Variants in FBLN2 observed in about 807,000 individuals in gnomAD.
FBLN2 encodes fibulin 2, also known as fibulin-2.
FBLN2 carries 81 observed loss-of-function variants against 123.7 expected under a neutral mutation model. The observed-to-expected ratio is 0.65, with a 90% CI of 0.55 to 0.79. The LOEUF is 0.79. Among genes scored for constraint, FBLN2 ranks in the 30% least tolerant of loss-of-function variants. FBLN2 has a pLI of 0.00. For missense variants in FBLN2, 1,603 were observed against 1,681.3 expected (o/e 0.95, Z 0.81); for synonymous variants, 699 against 701.4 (o/e 1.00, Z 0.05).
At chr3:13,592,541 A>G (rs1408010103) in intron 2 of FBLN2, among the ~76,000 whole-genome samples, 1 of 152,106 alleles carries the variant, frequency 6.6e-6, no homozygotes, top group Non-Finnish European at 1.5e-5. Context: ...TAGCATCTCA[A>G]TTGGTATTGT....
intron 2 of FBLN2, among the ~76,000 whole-genome samples, chr3:13,601,296 T>C (rs901616182): frequency 1.3e-5 from 2 of 152,214 alleles, no homozygotes; most frequent in African/African-American, 4.8e-5. Context: ...TAGAAGAATG[T>C]TGTGAGTCTG....
chr3:13,597,390 C>G (rs994665894), intron 2 of FBLN2, among the ~76,000 whole-genome samples: 2 of 152,218 alleles, frequency 1.3e-5, no homozygotes, highest in African/African-American at 4.8e-5. Context: ...ACACCCCACT[C>G]CAGTTACCAC....
Position 13,637,742 on chromosome 3 carries a change from G to A in FBLN2, c.3519G>A (p.Glu1173=). The A allele has an allele frequency of 6.2e-7, 1 of 1,613,998 alleles. No homozygotes were observed. Among genetic ancestry groups the A allele is most frequent in the Non-Finnish European group, 8.5e-7 (1 of 1,179,848 alleles). The change falls in exon 18 of 18, where the codon GAG becomes GAA. Residue 1173 remains glutamate (E), a synonymous_variant. Transcript: ENST00000404922. ...CCCTGAACATCATCAAGGGCAATGA[G>A]GAGGGCTACTTTGGCACGCGCAGGC... ...TIALNIIKGN[E]EGYFGTRRLN...
At chr3:13,559,699 T>C (rs1282220943) in intron 1 of FBLN2, among the ~76,000 whole-genome samples, 1 of 152,226 alleles carries the variant, frequency 6.6e-6, no homozygotes, top group African/African-American at 2.4e-5. Flanking sequence ...CTTGGTTCAT[T>C]ATGTGCTTTT....
chr3:13,569,114 C>T (rs1703838494), intron 1 of FBLN2: 10 of 955,538 alleles, frequency 1.0e-5, no homozygotes, highest in African/African-American at 1.8e-5. Flanking sequence ...GGGCTACAGG[C>T]ACTGGGGACT....
At chr3:13,560,655 C>T (rs937833828) in intron 1 of FBLN2, among the ~76,000 whole-genome samples, 1 of 152,208 alleles carries the variant, frequency 6.6e-6, no homozygotes, top group Non-Finnish European at 1.5e-5. Context: ...CTGTAGTTTT[C>T]AAGATTGAAG....
At chr3:13,627,738 C>T in intron 10 of FBLN2, 94 bp from the exon 11 acceptor site, 1 of 1,431,550 alleles carries the variant, frequency 7.0e-7, no homozygotes, top group Non-Finnish European at 9.3e-7. Flanking sequence ...CCATCAGGGT[C>T]ATGGGTCTGA....
chr3:13,624,203 A>G (rs112801431), intron 9 of FBLN2, among the ~76,000 whole-genome samples: 18 of 152,312 alleles, frequency 1.2e-4, no homozygotes, highest in African/African-American at 4.1e-4. Context: ...GATCTGCCAC[A>G]TGGCTGTCCG....
At chr3:13,619,512 A>G (rs1210870449) in intron 7 of FBLN2, among the ~76,000 whole-genome samples, 6 of 152,152 alleles carry the variant, frequency 3.9e-5, no homozygotes, top group Non-Finnish European at 5.9e-5. Flanking sequence ...AGGTAGACCC[A>G]GAACGTCGTC....
intron 2 of FBLN2, among the ~76,000 whole-genome samples, chr3:13,578,404 A>G (rs1167464868): frequency 1.3e-5 from 2 of 152,060 alleles, no homozygotes; most frequent in Admixed American, 6.6e-5. Context: ...TTCTGAGTCT[A>G]TGGATTTGCA....
intron 1 of FBLN2, among the ~76,000 whole-genome samples, chr3:13,564,580 C>G (rs897070274): frequency 2.0e-5 from 3 of 152,178 alleles, no homozygotes; most frequent in Admixed American, 1.3e-4. Context: ...CTCTGAGATG[C>G]CTGTGCACAT....
rs754235301 is a variant in FBLN2 at position 13,618,101 on chromosome 3, A to G, written c.1755A>G (p.Arg585=). 1.2e-6 allele frequency: 2 copies of G among 1,613,338 alleles called. No homozygotes were observed. The highest frequency in any genetic ancestry group is 1.7e-6 in the Non-Finnish European group (2 of 1,179,904). The stretch of plus-strand genomic sequence containing the variant: ...TTTCAGAGGCAGAGATGGCGGGCCG[A>G]GAGGCCCTGTCACTGGGCACAGAGG... The part of the protein sequence containing the change: ...RRVSEAEMAG[R]EALSLGTEAE... Residue 585 remains arginine, a synonymous_variant, in exon 6 of 18, where the codon CGA becomes CGG. Transcript: ENST00000404922.
chr3:13,614,308 A>T (rs1416136932), intron 5 of FBLN2, 144 bp downstream of exon 5: 1 of 853,148 alleles, frequency 1.2e-6, no homozygotes, highest in Non-Finnish European at 1.7e-6. Context: ...TGGTGATTTC[A>T]TTGTTTTCTG....
intron 4 of FBLN2, 106 bp from the exon 5 acceptor site, chr3:13,613,878 G>A (rs1011249667): frequency 1.9e-5 from 24 of 1,277,510 alleles, no homozygotes; most frequent in Non-Finnish European, 2.4e-5. Context: ...GTCTGGCAGA[G>A]GAGATAAGAT....
Position 13,618,196 on chromosome 3 carries a change from A to G in FBLN2, c.1850A>G (p.Gln617Arg), listed in dbSNP as rs1206345811. ...CTTCTCCTCCCGGGAGAGCTGTGCC[A>G]GCACCTTTGCATCAATACTGTGGGT... ...ECLLLPGELC[Q>R]HLCINTVGSY... The change falls in exon 6 of 18, where the codon CAG becomes CGG. Residue 617 changes from glutamine (Q) to arginine (R), a missense_variant. Gln to Arg is a conservative substitution (Grantham distance 43, BLOSUM62 1). Transcript: ENST00000404922. The G allele has an allele frequency of 6.2e-7, 1 of 1,613,888 alleles. No homozygotes were observed. Among genetic ancestry groups the G allele is most frequent in the Non-Finnish European group, 8.5e-7 (1 of 1,179,900 alleles).
At chr3:13,564,297 G>T (rs1347540258) in intron 1 of FBLN2, among the ~76,000 whole-genome samples, 2 of 152,082 alleles carry the variant, frequency 1.3e-5, no homozygotes, top group African/African-American at 2.4e-5. Flanking sequence ...TGAGTGTCTT[G>T]TGTGTTTATT....
At chr3:13,593,399 C>T (rs1038942187) in intron 2 of FBLN2, among the ~76,000 whole-genome samples, 1 of 152,148 alleles carries the variant, frequency 6.6e-6, no homozygotes, top group Non-Finnish European at 1.5e-5. Context: ...AATCTCAGTA[C>T]AGTCACTTTC....
intron 1 of FBLN2, among the ~76,000 whole-genome samples, chr3:13,556,359 AGAGGGAGG>A (rs1173662857): frequency 7.3e-6 from 1 of 136,446 alleles, no homozygotes; most frequent in Non-Finnish European, 1.6e-5. Flanking sequence ...AGAAGGGAAG[AGAGGGAGG>A]GAGGGAGGGA....
intron 7 of FBLN2, 105 bp from the exon 8 acceptor site, chr3:13,619,625 T>G: frequency 1.1e-5 from 10 of 872,814 alleles, no homozygotes; most frequent in South Asian, 1.6e-5. Context: ...CTAGGGGCCT[T>G]GTTTCTGTGT....
Sources: gnomAD v4.1 joint callset for allele counts (sites outside exome capture counted in the v4.1 genomes callset) on GRCh38, gnomAD v4.1.1 for gene constraint, MANE v1.5 for transcripts, NCBI Gene and HGNC (gene_info 2026-07-23, HGNC 2026-07-21) for gene names.